ZNF704: variants seen among roughly 807,000 people sequenced by gnomAD.
ZNF704 encodes the protein zinc finger protein 704.
Under a neutral mutation model 44.7 loss-of-function variants are expected in ZNF704, and 10 were observed. The ratio of observed to expected loss-of-function variants is 0.22; its 90% CI spans 0.14 to 0.38. The LOEUF (loss-of-function observed/expected upper bound fraction) is 0.38, where lower values mean the gene tolerates loss of function less well. Ranked by LOEUF, ZNF704 falls within the 10% of genes least tolerant of loss-of-function variation. The pLI is 1.00. For missense variants in ZNF704, 390 were observed against 545.5 expected, an observed-to-expected ratio of 0.71 and a Z score of 2.84; for synonymous variants, 211 against 207.6, an observed-to-expected ratio of 1.02 and a Z score of -0.14.
At chr8:80,834,765 T>C (rs1211139374) in intron 1 of ZNF704, among the ~76,000 whole-genome samples, 1 of 152,168 alleles carries the variant, frequency 6.6e-6, no homozygotes, top group Non-Finnish European at 1.5e-5. Flanking sequence ...CTCCCACTCA[T>C]GAGTGAGAAC....
At position 80,761,142 on chromosome 8, in the gene ZNF704, A is replaced by G. The variant is rs149077575; in HGVS notation, c.221+60232T>C. Among the ~76,000 whole-genome samples, 335 of 152,070 alleles carry G rather than the reference A, an allele frequency of 2.2e-3. 3 individuals are homozygous for G. Among genetic ancestry groups the G allele is most frequent in the Admixed American group, 0.018 (276 of 15,264 alleles). ...ATTACAGAGGCCCTCTTGCCCTTCC[A>G]CTCTTCCACTACATGAGGACACAGC... On this transcript the variant is annotated intron_variant, in intron 2 of 8. Transcript: ENST00000327835.
chr8:80,769,495 T>C (rs1164088023), intron 2 of ZNF704, among the ~76,000 whole-genome samples: 2 of 152,110 alleles, frequency 1.3e-5, no homozygotes, highest in African/African-American at 4.8e-5. Context: ...AGAAATTTCT[T>C]CCTCCAGATA....
In ZNF704 at chr8:80,683,129, T is replaced by C. The variant is rs182150748; in HGVS notation, c.558+4097A>G. On this transcript the variant is annotated intron_variant, in intron 4 of 8. Coordinates refer to ENST00000327835, the MANE Select transcript of ZNF704 (RefSeq NM_001033723.3). ...GGGTCACTGCATCACCTTGTGGTCA[T>C]GACGGAAATTGCACCTCCCCAAAGT... Among the ~76,000 whole-genome samples, 150 of 152,332 alleles carry C rather than the reference T, an allele frequency of 9.8e-4. 1 individual carries two copies. The highest frequency in any genetic ancestry group is 3.2e-3 in the African/African-American group (133 of 41,568).
intron 2 of ZNF704, among the ~76,000 whole-genome samples, chr8:80,777,554 T>C (rs879418774): frequency 8.5e-5 from 13 of 152,114 alleles, no homozygotes; most frequent in African/African-American, 2.7e-4. Context: ...ACACAACACA[T>C]GCATATACAC....
intron 2 of ZNF704, among the ~76,000 whole-genome samples, chr8:80,758,083 G>A (rs977290107): frequency 6.6e-6 from 1 of 152,184 alleles, no homozygotes; most frequent in Non-Finnish European, 1.5e-5. Flanking sequence ...TATTATAGCT[G>A]TGCCTTTGGA....
chr8:80,866,906 G>A (rs1361510401), intron 1 of ZNF704, among the ~76,000 whole-genome samples: 1 of 152,122 alleles, frequency 6.6e-6, no homozygotes. Flanking sequence ...GGCCTGGCTT[G>A]GCTCCTCCCT....
intron 1 of ZNF704, among the ~76,000 whole-genome samples, chr8:80,868,721 G>A (rs184768970): frequency 8.5e-5 from 13 of 152,254 alleles, no homozygotes; most frequent in East Asian, 3.9e-4. Flanking sequence ...CCAAACTGTC[G>A]TGGATTTCAT....
intron 4 of ZNF704, among the ~76,000 whole-genome samples, chr8:80,681,981 T>C (rs1044817002): frequency 6.6e-6 from 1 of 152,206 alleles, no homozygotes; most frequent in Non-Finnish European, 1.5e-5. Flanking sequence ...TGGCTGACAA[T>C]GCTGTATGTA....
intron 7 of ZNF704, among the ~76,000 whole-genome samples, chr8:80,645,773 C>T (rs1817821217): frequency 6.6e-6 from 1 of 152,184 alleles, no homozygotes; most frequent in Admixed American, 6.5e-5. Flanking sequence ...CTTACCCTAT[C>T]TCAGGTATTT....
At chr8:80,641,769 G>A (rs554331648) in intron 8 of ZNF704, among the ~76,000 whole-genome samples, 1 of 152,232 alleles carries the variant, frequency 6.6e-6, no homozygotes, top group East Asian at 1.9e-4. Flanking sequence ...GCTGAGGCAG[G>A]AGAATCACTT....
chr8:80,663,728 A>C (rs113043614), intron 6 of ZNF704, among the ~76,000 whole-genome samples: 65 of 112,688 alleles, frequency 5.8e-4, no homozygotes, highest in African/African-American at 3.7e-3. Flanking sequence ...CAATGCTTAC[A>C]TTTTATTTAT....
At chr8:80,866,858 C>T (rs1778220717) in intron 1 of ZNF704, among the ~76,000 whole-genome samples, 1 of 152,160 alleles carries the variant, frequency 6.6e-6, no homozygotes, top group South Asian at 2.1e-4. Context: ...AACTCCTGGG[C>T]TTAAAGCTTC....
intron 2 of ZNF704, among the ~76,000 whole-genome samples, chr8:80,795,141 A>C (rs897974709): frequency 2.6e-5 from 4 of 152,190 alleles, no homozygotes; most frequent in Non-Finnish European, 5.9e-5. Flanking sequence ...GATGAATAAC[A>C]ACACAGAGAC....
At chr8:80,707,275 T>C (rs1818913283) in intron 2 of ZNF704, among the ~76,000 whole-genome samples, 1 of 152,216 alleles carries the variant, frequency 6.6e-6, no homozygotes, top group Admixed American at 6.5e-5. Context: ...GAAATATATA[T>C]GTGAACTAAA....
chr8:80,807,720 T>C (rs1261479405), intron 2 of ZNF704, among the ~76,000 whole-genome samples: 2 of 152,236 alleles, frequency 1.3e-5, no homozygotes, highest in Non-Finnish European at 2.9e-5. Context: ...TAGTATACTA[T>C]TGTCTGATCC....
intron 2 of ZNF704, among the ~76,000 whole-genome samples, chr8:80,738,082 C>G (rs1031690854): frequency 1.3e-5 from 2 of 152,150 alleles, no homozygotes; most frequent in Admixed American, 6.5e-5. Flanking sequence ...GATGTATTTT[C>G]TCATGGTCAC....
rs147737293 is a variant in ZNF704, at chr8:80,793,294, T to C, written c.221+28080A>G. 4.7e-3 allele frequency among the ~76,000 whole-genome samples: 711 copies of C among 152,260 alleles called. 3 individuals are homozygous for C. The highest frequency in any genetic ancestry group is 0.016 in the African/African-American group (666 of 41,536). ...TGCGTGTGGAGAAGATGATACATGT[T>C]ATCTGGAGAACACCAAGTATTGATG... On this transcript the variant is annotated intron_variant, in intron 2 of 8. Transcript: ENST00000327835.
chr8:80,800,780 C>A (rs1030144022), intron 2 of ZNF704, among the ~76,000 whole-genome samples: 3 of 152,138 alleles, frequency 2.0e-5, no homozygotes, highest in Admixed American at 6.5e-5. Flanking sequence ...CAGCTAGCAT[C>A]ATGATGATAG....
chr8:80,791,888 G>A (rs1490396798), intron 2 of ZNF704, among the ~76,000 whole-genome samples: 1 of 152,238 alleles, frequency 6.6e-6, no homozygotes, highest in African/African-American at 2.4e-5. Context: ...GGAAGAATGG[G>A]TGTAAAGCCC....
Sources: allele counts gnomAD v4.1 joint callset (sites outside exome capture counted in the v4.1 genomes callset), GRCh38; gene constraint gnomAD v4.1.1; transcripts MANE v1.5; gene names NCBI Gene and HGNC (gene_info 2026-07-23, HGNC 2026-07-21).